Variants in SLC4A7 observed in about 807,000 individuals in gnomAD.
The protein encoded by SLC4A7 is sodium bicarbonate cotransporter 3.
A neutral mutation model predicts 137.6 loss-of-function variants in SLC4A7; 51 were observed. The ratio of observed to expected loss-of-function variants is 0.37; its 90% CI spans 0.30 to 0.47. The LOEUF is 0.47. SLC4A7 is among the 20% of genes least tolerant of loss of function. The pLI is 1.00. For missense variants in SLC4A7, 1,247 were observed against 1,525.4 expected (o/e 0.82, Z 3.04); for synonymous variants, 542 against 518.6 (o/e 1.05, Z -0.61).
chr3:27,471,242 C>A (rs1378995912), intron 1 of SLC4A7, among the ~76,000 whole-genome samples: 3 of 152,330 alleles, frequency 2.0e-5, no homozygotes, highest in Non-Finnish European at 4.4e-5. Flanking sequence ...TCACAACCTG[C>A]AGTTTGGAAA....
chr3:27,429,286 T>C (rs539690540), intron 7 of SLC4A7, among the ~76,000 whole-genome samples: 1 of 152,094 alleles, frequency 6.6e-6, no homozygotes, highest in Admixed American at 6.6e-5. Flanking sequence ...AAAAGAGTTA[T>C]AAACCTTTTC....
rs367784278 is a variant in SLC4A7 at position 27,451,463 on chromosome 3, T to C, written c.142+954A>G. On this transcript the variant is annotated intron_variant, in intron 2 of 25. Transcript: ENST00000454389. ...AAAAGGGAACATTACTTCTGTGGTA[T>C]GCTTCCCAAATAACCATAACCTCCA... Among the ~76,000 whole-genome samples the C allele has an allele frequency of 2.6e-5, 4 of 152,244 alleles. No individual in the cohort carries two copies. In the South Asian group the frequency reaches 8.3e-4, roughly 32 times the overall value.
At position 27,448,780 on chromosome 3, in the gene SLC4A7, T is replaced by C. The variant is rs190577402; in HGVS notation, c.160A>G (p.Ile54Val). 4 of 1,611,922 alleles carry C rather than the reference T, an allele frequency of 2.5e-6. No individual in the cohort carries two copies. The African/African-American group carries it at 4.0e-5, about 16-fold the overall frequency. The change falls in exon 3 of 26, where the codon ATT (isoleucine) becomes GTT (valine). Residue 54 changes from isoleucine (I) to valine (V), a missense_variant. Coordinates refer to ENST00000454389, the MANE Select transcript of SLC4A7 (RefSeq NM_001321103.2). ...EELESHRAVY[I>V]GVHVPFSKES... The stretch of plus-strand genomic sequence containing the variant: ...TTACTAAACGGGACGTGAACACCAA[T>C]ATATACAGCTCTATGACCTATTAAA...
At chr3:27,400,102 T>C (rs897823335) in intron 16 of SLC4A7, among the ~76,000 whole-genome samples, 2 of 152,222 alleles carry the variant, frequency 1.3e-5, no homozygotes, top group African/African-American at 4.8e-5. Context: ...TTCTAACTAC[T>C]GGCAAACTTT....
rs58495465 is a variant in SLC4A7, at chr3:27,446,120, G to A, written c.289+2531C>T. Among the ~76,000 whole-genome samples, 24 of 60,464 alleles carry A rather than the reference G, an allele frequency of 4.0e-4. No homozygotes were observed. The East Asian group carries it at 6.3e-3, about 16-fold the overall frequency. 39.7% of individuals were successfully genotyped at this position (60,464 alleles called of 152,430 possible). A position where few individuals can be genotyped will look rare whatever the true frequency, so the allele number is the denominator to read the frequency against. The stretch of plus-strand genomic sequence containing the variant: ...GATTGTGATAATCATTTAACTATGT[G>A]TGTGTGTATATATATATATAAAAAT... On this transcript the variant is annotated intron_variant, in intron 3 of 25. Coordinates refer to ENST00000454389, the MANE Select transcript of SLC4A7 (RefSeq NM_001321103.2).
At chr3:27,455,850 T>C (rs991517853) in intron 1 of SLC4A7, among the ~76,000 whole-genome samples, 4 of 152,000 alleles carry the variant, frequency 2.6e-5, no homozygotes, top group Admixed American at 2.6e-4. Flanking sequence ...GAACGAGACC[T>C]TGTCTCAAAA....
At chr3:27,405,852 G>C (rs976330270) in intron 13 of SLC4A7, among the ~76,000 whole-genome samples, 4 of 152,122 alleles carry the variant, frequency 2.6e-5, no homozygotes, top group African/African-American at 9.7e-5. Flanking sequence ...GAAAGACTAA[G>C]AGAATTTAAA....
At position 27,403,148 on chromosome 3, in the gene SLC4A7, G is replaced by A. The variant is rs1309760445; in HGVS notation, c.2312C>T (p.Thr771Ile). ...FNMHNNLDKLTSYSCVCTEPP... is the reference protein window; with the variant it reads ...FNMHNNLDKLISYSCVCTEPP... ...AAAGAGAAATACTTACGAGTAGCTG[G>A]TCAGTTTATCTAAGTTGTTGTGCAT... The change falls in exon 15 of 26, where the codon ACC becomes ATC. Residue 771 changes from threonine (T) to isoleucine (I), a missense_variant. Transcript: ENST00000454389. The A allele has an allele frequency of 3.1e-6, 5 of 1,604,768 alleles. No homozygotes were observed. In the East Asian group the frequency reaches 6.7e-5, roughly 22 times the overall value.
At chr3:27,439,660 T>C (rs1053062355) in intron 3 of SLC4A7, among the ~76,000 whole-genome samples, 1 of 152,246 alleles carries the variant, frequency 6.6e-6, no homozygotes, top group African/African-American at 2.4e-5. Context: ...CATGATCCTG[T>C]ATCTGCGAAT....
chr3:27,459,231 T>C (rs2058568210), intron 1 of SLC4A7, among the ~76,000 whole-genome samples: 2 of 152,126 alleles, frequency 1.3e-5, no homozygotes, highest in African/African-American at 4.8e-5. Context: ...CGTAGACTTT[T>C]TAATTTCCCA....
rs1164294803 is a variant in SLC4A7, at chr3:27,373,845, C to A, written c.*2919G>T. 6.6e-6 allele frequency: 1 copy of A among 152,528 alleles called. No homozygotes were observed. Among genetic ancestry groups the A allele is most frequent in the East Asian group, 1.9e-4 (1 of 5,200 alleles). 9.4% of individuals were successfully genotyped at this position (152,528 alleles called of 1,614,324 possible). ...TGGTTTACAAATACATGCATTAGCA[C>A]ATAAAATATTTCGTCCTAGACATCT... is the stretch of plus-strand genomic sequence containing the variant. On this transcript the variant is annotated 3_prime_UTR_variant, in exon 26 of 26. Coordinates refer to ENST00000454389, the MANE Select transcript of SLC4A7 (RefSeq NM_001321103.2).
intron 1 of SLC4A7, among the ~76,000 whole-genome samples, chr3:27,479,613 T>C (rs1419514049): frequency 3.3e-5 from 5 of 152,164 alleles, no homozygotes; most frequent in African/African-American, 1.2e-4. Flanking sequence ...CAAAGACCTT[T>C]TATGATTTGT....
At chr3:27,422,366 T>C (rs569492674) in intron 8 of SLC4A7, among the ~76,000 whole-genome samples, 7 of 152,162 alleles carry the variant, frequency 4.6e-5, no homozygotes, top group South Asian at 2.1e-4. Context: ...ATCCTGGACT[T>C]AAGCAATCCT....
chr3:27,428,799 T>A (rs1308250802), intron 7 of SLC4A7, among the ~76,000 whole-genome samples: 1 of 152,218 alleles, frequency 6.6e-6, no homozygotes. Flanking sequence ...ATAATACTTA[T>A]GTGATTAAAA....
intron 18 of SLC4A7, among the ~76,000 whole-genome samples, chr3:27,395,437 T>C (rs1029943933): frequency 2.6e-5 from 4 of 152,194 alleles, no homozygotes; most frequent in African/African-American, 9.7e-5. Context: ...TTCTAAGTCT[T>C]AACCTTAAAG....
chr3:27,440,484 T>G (rs34427037), intron 3 of SLC4A7, among the ~76,000 whole-genome samples: 27,506 of 152,064 alleles, frequency 0.18, 2,909 homozygotes, highest in Non-Finnish European at 0.25. Flanking sequence ...TCCCAGCACT[T>G]TGGGAGGCCG....
chr3:27,377,965 G>C (rs532557855), intron 25 of SLC4A7, among the ~76,000 whole-genome samples: 1 of 152,156 alleles, frequency 6.6e-6, no homozygotes, highest in African/African-American at 2.4e-5. Flanking sequence ...AAGCATAAAA[G>C]ATGTTAGTTA....
intron 9 of SLC4A7, among the ~76,000 whole-genome samples, chr3:27,421,237 C>T (rs763454907): frequency 7.2e-5 from 11 of 152,102 alleles, no homozygotes; most frequent in South Asian, 6.2e-4. Context: ...CAGTGGCTCA[C>T]GTCTGTAATC....
chr3:27,373,948 A>G lies in SLC4A7; in HGVS notation c.*2816T>C, dbSNP rs2049731528. 6.6e-6 allele frequency: 1 copy of G among 152,554 alleles called. No homozygotes were observed. The highest frequency in any genetic ancestry group is 2.1e-4 in the South Asian group (1 of 4,830). 9.5% of individuals were successfully genotyped at this position (152,554 alleles called of 1,614,324 possible). A position where few individuals can be genotyped will look rare whatever the true frequency, so the allele number is the denominator to read the frequency against. Reference sequence around the variant, plus strand: ...AACTTTTAACAGATATAAGATCAGTATCATTCACATTCACACAAACATACA... The same window carrying G: ...AACTTTTAACAGATATAAGATCAGTGTCATTCACATTCACACAAACATACA... On this transcript the variant is annotated 3_prime_UTR_variant, in exon 26 of 26. Coordinates refer to ENST00000454389, the MANE Select transcript of SLC4A7 (RefSeq NM_001321103.2).
Sources: allele counts gnomAD v4.1 joint callset (sites outside exome capture counted in the v4.1 genomes callset), GRCh38; gene constraint gnomAD v4.1.1; transcripts MANE v1.5; gene names NCBI Gene and HGNC (gene_info 2026-07-23, HGNC 2026-07-21).